REXO1: variants seen among roughly 807,000 people sequenced by gnomAD.
REXO1 encodes REX1, RNA exonuclease 1 homolog.
In REXO1, 42 loss-of-function variants were observed where a neutral mutation model predicts 102.6. The ratio of observed to expected loss-of-function variants is 0.41; its 90% CI spans 0.32 to 0.53. REXO1 has a LOEUF of 0.53. Among genes scored for constraint, REXO1 ranks in the 20% least tolerant of loss-of-function variants. The probability of loss-of-function intolerance (pLI) is 0.27; values close to 1 mark genes in which losing one functional copy is unlikely to be tolerated. For missense variants in REXO1, 1,819 were observed against 1,732.5 expected (o/e 1.05, Z -0.89); for synonymous variants, 908 against 779.1 (o/e 1.17, Z -2.76).
At chr19:1,847,759 AGAGGCGCGGCCG>A (rs528248174) in intron 1 of REXO1, among the ~76,000 whole-genome samples, 3 of 152,320 alleles carry the variant, frequency 2.0e-5, no homozygotes, top group Admixed American at 6.5e-5. Context: ...GGCCGCTGCC[AGAGGCGCGGCCG>A]GAGGAAACGT....
Position 1,828,281 on chromosome 19 carries a change from G to A in REXO1, c.508C>T (p.Leu170=). 6.2e-7 allele frequency: 1 copy of A among 1,607,152 alleles called. No individual in the cohort carries two copies. The highest frequency in any genetic ancestry group is 1.1e-5 in the South Asian group (1 of 90,784). ...CTGCCCGGCTCGGCAGGGGCGGCCAGTGGGGTGGGCTGGTAGCCGGCATCA... is the reference window on the plus strand; with the variant it reads ...CTGCCCGGCTCGGCAGGGGCGGCCAATGGGGTGGGCTGGTAGCCGGCATCA... ...SPDAGYQPTP[L]AAPAEPGSKY... The change falls in exon 2 of 16, where the codon CTG becomes TTG. Residue 170 remains leucine (L), a synonymous_variant. Coordinates refer to ENST00000170168, the MANE Select transcript of REXO1 (RefSeq NM_020695.4).
At chr19:1,837,919 A>G (rs1038007724) in intron 1 of REXO1, among the ~76,000 whole-genome samples, 1 of 152,216 alleles carries the variant, frequency 6.6e-6, no homozygotes, top group Non-Finnish European at 1.5e-5. Flanking sequence ...CCGTCCCCAC[A>G]TGCCATGACT....
rs888022002 is a variant in REXO1, at chr19:1,848,433, G to A, written c.-75C>T. On this transcript the variant is annotated 5_prime_UTR_variant, in exon 1 of 16. Transcript: ENST00000170168. ...CCCCCTCACTGGCGCCGCGGTCGCC[G>A]CCGCCCGCGCCTCACGGACCCCGCC... The A allele has an allele frequency of 5.6e-6, 6 of 1,065,596 alleles. No individual in the cohort carries two copies. The highest frequency in any genetic ancestry group is 1.7e-5 in the African/African-American group (1 of 59,140). 66.0% of individuals were successfully genotyped at this position (1,065,596 alleles called of 1,614,324 possible).
At chr19:1,817,636 C>T (rs767451459) in intron 11 of REXO1, 71 bp downstream of exon 11, 110 of 1,518,520 alleles carry the variant, frequency 7.2e-5, no homozygotes, top group Non-Finnish European at 9.2e-5. Context: ...TGTCCCGAGA[C>T]CCCACACCAA....
chr19:1,824,280 C>CGGCCCA (rs905210215), intron 3 of REXO1: 11 of 152,928 alleles, frequency 7.2e-5, no homozygotes, highest in African/African-American at 2.7e-4. Flanking sequence ...GCTGGACAAC[C>CGGCCCA]GGCCCAGGCC....
At chr19:1,847,791 A>T (rs1221963357) in intron 1 of REXO1, among the ~76,000 whole-genome samples, 1 of 152,204 alleles carries the variant, frequency 6.6e-6, no homozygotes. Flanking sequence ...TCATGGAAAT[A>T]AACAAGGGCG....
At chr19:1,847,283 G>A (rs1260922728) in intron 1 of REXO1, among the ~76,000 whole-genome samples, 4 of 152,182 alleles carry the variant, frequency 2.6e-5, no homozygotes, top group Non-Finnish European at 4.4e-5. Context: ...TTAAATCCTA[G>A]AGAAGATGTT....
rs777479038 is a variant in REXO1 at position 1,827,381 on chromosome 19, C to T, written c.1408G>A (p.Gly470Ser). The change falls in exon 2 of 16, where the codon GGC (glycine) becomes AGC (serine). Residue 470 changes from glycine to serine, a missense_variant. Coordinates refer to ENST00000170168, the MANE Select transcript of REXO1 (RefSeq NM_020695.4). Reference protein sequence around the residue: ...PTSGDSRPAAGRGPPRPLQLP... With the variant: ...PTSGDSRPAASRGPPRPLQLP... ...TGGAGGGGGCGGGGTGGGCCTCTGC[C>T]GGCCGCCGGTCGGGAGTCCCCGCTT... 47 of 1,532,968 alleles carry T rather than the reference C, an allele frequency of 3.1e-5. No individual in the cohort carries two copies. Among genetic ancestry groups the T allele is most frequent in the African/African-American group, 1.7e-4 (12 of 72,090 alleles). 95.0% of individuals were successfully genotyped at this position (1,532,968 alleles called of 1,614,324 possible).
chr19:1,836,506 G>T (rs2070040117), intron 1 of REXO1, among the ~76,000 whole-genome samples: 1 of 151,904 alleles, frequency 6.6e-6, no homozygotes, highest in African/African-American at 2.4e-5. Flanking sequence ...AGCACTGTAG[G>T]AGGCCGAGAC....
At chr19:1,847,119 G>C (rs1489964598) in intron 1 of REXO1, among the ~76,000 whole-genome samples, 1 of 152,182 alleles carries the variant, frequency 6.6e-6, no homozygotes, top group East Asian at 1.9e-4. Context: ...CAAACACAGC[G>C]AAGACGCTGG....
chr19:1,845,520 G>A (rs139875261), intron 1 of REXO1, among the ~76,000 whole-genome samples: 251 of 152,240 alleles, frequency 1.6e-3, no homozygotes, highest in African/African-American at 5.4e-3. Context: ...AAACATTAGC[G>A]AGGTGTGATG....
chr19:1,848,110 G>C, intron 1 of REXO1, 92 bp downstream of exon 1: 1 of 613,826 alleles, frequency 1.6e-6, no homozygotes, highest in Middle Eastern at 5.1e-4. Context: ...GAGGAGGCTG[G>C]GCCGAGAACG....
Position 1,825,959 on chromosome 19 carries a change from G to C in REXO1, c.1912-16C>G. 6.3e-7 allele frequency: 1 copy of C among 1,582,010 alleles called. No homozygotes were observed. ...CCTTGGGGGGCTAAGACACATGTCC[G>C]TCCGTCAGCACAGGTCTGCCCTCGC... On this transcript the variant is annotated splice_polypyrimidine_tract_variant and intron_variant, in intron 2 of 15. Transcript: ENST00000170168.
At chr19:1,819,305 T>C (rs1376362574) in intron 7 of REXO1, among the ~76,000 whole-genome samples, 174 bp from the exon 8 acceptor site, 1 of 146,796 alleles carries the variant, frequency 6.8e-6, no homozygotes, top group African/African-American at 2.5e-5. Flanking sequence ...GAGGCAGACA[T>C]GCGGTGAGCC....
chr19:1,826,873 C>T lies in REXO1; in HGVS notation c.1911+5G>A, dbSNP rs948977794. 5 of 1,569,600 alleles carry T rather than the reference C, an allele frequency of 3.2e-6. No homozygotes were observed. Among genetic ancestry groups the T allele is most frequent in the Admixed American group, 1.9e-5 (1 of 53,738 alleles). ...GAGCCCAGCCCCAGCACCCGCGCGC[C>T]TCACCTGCCGGGCCAGCCGGCCTCT... On this transcript the variant is annotated splice_donor_5th_base_variant and intron_variant, in intron 2 of 15. Transcript: ENST00000170168. The surrounding 1 kb of genome is among the most constrained non-coding windows in gnomAD (Gnocchi z 4.3).
chr19:1,821,570 C>T lies in REXO1; in HGVS notation c.2343G>A (p.Lys781=). The T allele has an allele frequency of 6.2e-7, 1 of 1,613,902 alleles. No individual in the cohort carries two copies. The highest frequency in any genetic ancestry group is 1.1e-5 in the South Asian group (1 of 91,074). ...KTRTLSGMAS[K]TTTTIIPKRI... ...GCTTAGGGATGATGGTGGTGGTAGT[C>T]TTGGACGCCATCCCCGACAATGTGC... The change falls in exon 5 of 16, where the codon AAG becomes AAA. Residue 781 remains lysine, a synonymous_variant. Transcript: ENST00000170168.
At chr19:1,847,250 A>G (rs1012388516) in intron 1 of REXO1, among the ~76,000 whole-genome samples, 2 of 152,258 alleles carry the variant, frequency 1.3e-5, no homozygotes, top group Non-Finnish European at 2.9e-5. Flanking sequence ...CTTTTCTGGC[A>G]AAACAGGAAA....
At position 1,815,587 on chromosome 19, in the gene REXO1, G is replaced by T. The variant is rs2069336191; in HGVS notation, c.*479C>A. The T allele has an allele frequency of 1.1e-6, 1 of 872,256 alleles. No individual in the cohort carries two copies. The allele number at this position is 872,256 out of a possible 1,614,324, so 54.0% of individuals were successfully genotyped here. ...CACCCCGCAGGAGGGAAGGCAGCAG[G>T]CCCGCTCTTCCCGGTGGGAAAGATG... On this transcript the variant is annotated 3_prime_UTR_variant, in exon 16 of 16. Coordinates refer to ENST00000170168, the MANE Select transcript of REXO1 (RefSeq NM_020695.4). The surrounding 1 kb of genome is among the most constrained non-coding windows in gnomAD (Gnocchi z 4.0).
chr19:1,840,795 A>G (rs1288935295), intron 1 of REXO1, among the ~76,000 whole-genome samples: 1 of 152,072 alleles, frequency 6.6e-6, no homozygotes, highest in Non-Finnish European at 1.5e-5. Flanking sequence ...GGCGCCACAG[A>G]CACTGAGTCT....
Sources: gnomAD v4.1 joint callset for allele counts (sites outside exome capture counted in the v4.1 genomes callset) on GRCh38, gnomAD v4.1.1 for gene constraint, Gnocchi (gnomAD v3.1) non-coding constraint, MANE v1.5 for transcripts, NCBI Gene and HGNC (gene_info 2026-07-23, HGNC 2026-07-21) for gene names.